The following CPNE8 variants were observed in gnomAD, a reference collection of about 807,000 sequenced individuals.
CPNE8 encodes the protein copine 8.
A neutral mutation model predicts 81.5 loss-of-function variants in CPNE8; 45 were observed. The observed-to-expected ratio is 0.55, with a 90% CI of 0.44 to 0.71. The LOEUF is 0.71. Among genes scored for constraint, CPNE8 ranks in the 30% least tolerant of loss-of-function variants. The probability of loss-of-function intolerance (pLI) is 0.00; values close to 1 mark genes in which losing one functional copy is unlikely to be tolerated. For missense variants in CPNE8, 594 were observed against 672.1 expected, an observed-to-expected ratio of 0.88 and a Z score of 1.28; for synonymous variants, 252 against 226.3, an observed-to-expected ratio of 1.11 and a Z score of -1.02.
intron 16 of CPNE8, among the ~76,000 whole-genome samples, chr12:38,685,022 A>G (rs113768097): frequency 0.023 from 3,466 of 152,276 alleles, 125 homozygotes; most frequent in African/African-American, 0.078. Flanking sequence ...TTTATAAATT[A>G]GCTACTATAT....
intron 6 of CPNE8, among the ~76,000 whole-genome samples, chr12:38,799,125 C>T (rs1419022216): frequency 1.3e-5 from 2 of 152,138 alleles, no homozygotes; most frequent in Non-Finnish European, 2.9e-5. Flanking sequence ...CCACTGTCAA[C>T]ATTAGACAGA....
chr12:38,766,808 G>A (rs149919607), intron 8 of CPNE8, among the ~76,000 whole-genome samples: 1,659 of 151,748 alleles, frequency 0.011, 38 homozygotes, highest in African/African-American at 0.037. Flanking sequence ...AATAATATTA[G>A]CTAATGTTTA....
chr12:38,866,321 C>G (rs1385115646), intron 3 of CPNE8, among the ~76,000 whole-genome samples: 1 of 152,134 alleles, frequency 6.6e-6, no homozygotes, highest in African/African-American at 2.4e-5. Flanking sequence ...ATTGAATGCA[C>G]AGCAGAATAA....
At chr12:38,725,565 T>A (rs907793684) in intron 11 of CPNE8, among the ~76,000 whole-genome samples, 4 of 152,182 alleles carry the variant, frequency 2.6e-5, no homozygotes, top group African/African-American at 9.7e-5. Flanking sequence ...CTTCTTCAGA[T>A]CATCTCAATC....
chr12:38,812,216 C>A (rs891085232), intron 6 of CPNE8, among the ~76,000 whole-genome samples: 5 of 152,256 alleles, frequency 3.3e-5, no homozygotes, highest in Middle Eastern at 3.4e-3. Context: ...CAGAAATAGT[C>A]CTATCATTTG....
chr12:38,839,298 A>C (rs938652741), intron 5 of CPNE8, among the ~76,000 whole-genome samples: 1 of 152,024 alleles, frequency 6.6e-6, no homozygotes, highest in Non-Finnish European at 1.5e-5. Flanking sequence ...TCTGATGCCC[A>C]ACTACTCCTG....
At chr12:38,671,046 T>C (rs1939163528) in intron 18 of CPNE8, 4 of 405,858 alleles carry the variant, frequency 9.9e-6, no homozygotes, top group South Asian at 6.7e-5. Context: ...AGCCAGTCTC[T>C]GGGTCTATCT....
chr12:38,764,838 G>C (rs1051298061), intron 8 of CPNE8, among the ~76,000 whole-genome samples: 3 of 151,962 alleles, frequency 2.0e-5, no homozygotes, highest in Admixed American at 6.6e-5. Context: ...TAGCTAAATA[G>C]ATGATATCTA....
intron 3 of CPNE8, among the ~76,000 whole-genome samples, chr12:38,857,087 AG>A: frequency 6.6e-6 from 1 of 152,240 alleles, no homozygotes; most frequent in South Asian, 2.1e-4. Flanking sequence ...TTCAAAATAA[AG>A]GGCTAGCAAC....
intron 2 of CPNE8, among the ~76,000 whole-genome samples, 187 bp from the exon 3 acceptor site, chr12:38,873,237 GA>G (rs1944018386): frequency 6.6e-6 from 1 of 151,512 alleles, no homozygotes; most frequent in Non-Finnish European, 1.5e-5. Flanking sequence ...TAAATAAGCA[GA>G]AAACAAACTG....
At chr12:38,685,729 G>A (rs2136659977) in intron 15 of CPNE8, 112 bp from the exon 16 acceptor site, 8 of 1,066,994 alleles carry the variant, frequency 7.5e-6, no homozygotes, top group South Asian at 5.3e-5. Flanking sequence ...TATTTTTTGA[G>A]GAACTCTTAT....
At chr12:38,655,153 T>G (rs974259733) in intron 19 of CPNE8, among the ~76,000 whole-genome samples, 1 of 152,106 alleles carries the variant, frequency 6.6e-6, no homozygotes, top group Admixed American at 6.5e-5. Flanking sequence ...TAATTTGTGG[T>G]TTTTCAATGG....
upstream of CPNE8, chr12:38,905,904 A>C (rs962653140): frequency 4.1e-6 from 4 of 985,190 alleles, no homozygotes; most frequent in African/African-American, 7.0e-5. Context: ...CACCAGACGC[A>C]GACCCCTACC....
intron 19 of CPNE8, among the ~76,000 whole-genome samples, chr12:38,658,269 C>T (rs112901748): frequency 0.031 from 4,778 of 152,068 alleles, 107 homozygotes; most frequent in African/African-American, 0.067. Context: ...GCTTCAATAG[C>T]TGATTCAATC....
At chr12:38,825,262 T>C (rs1943170371) in intron 6 of CPNE8, among the ~76,000 whole-genome samples, 1 of 152,202 alleles carries the variant, frequency 6.6e-6, no homozygotes, top group African/African-American at 2.4e-5. Flanking sequence ...ATATCTTCCC[T>C]GGTTTCATTT....
chr12:38,868,785 T>C (rs908570201), intron 3 of CPNE8, among the ~76,000 whole-genome samples: 1 of 152,188 alleles, frequency 6.6e-6, no homozygotes, highest in African/African-American at 2.4e-5. Flanking sequence ...AATGAAAATA[T>C]TTTAAGAGTC....
chr12:38,798,488 C>A (rs1045433854), intron 6 of CPNE8, among the ~76,000 whole-genome samples: 1 of 152,000 alleles, frequency 6.6e-6, no homozygotes, highest in Non-Finnish European at 1.5e-5. Context: ...ACTTTACAGA[C>A]AAGCAAATGC....
At chr12:38,658,524 CA>C (rs756119680) in intron 19 of CPNE8, among the ~76,000 whole-genome samples, 6 of 152,130 alleles carry the variant, frequency 3.9e-5, no homozygotes, top group Non-Finnish European at 7.3e-5. Flanking sequence ...GGCAAGCCAA[CA>C]TTCAAATTCA....
At chr12:38,844,696 T>TTC (rs373134526) in intron 4 of CPNE8, among the ~76,000 whole-genome samples, 1 of 152,164 alleles carries the variant, frequency 6.6e-6, no homozygotes, top group Non-Finnish European at 1.5e-5. Context: ...CTCTATCTCT[T>TTC]TCTCTCTCTT....
Sources: gnomAD v4.1 joint callset for allele counts (sites outside exome capture counted in the v4.1 genomes callset) on GRCh38, gnomAD v4.1.1 for gene constraint, MANE v1.5 for transcripts, NCBI Gene and HGNC (gene_info 2026-07-23, HGNC 2026-07-21) for gene names.